The following DNAJC5B variants were observed in gnomAD, a reference collection of about 807,000 sequenced individuals.
DNAJC5B encodes DnaJ heat shock protein family (Hsp40) member C5 beta, also known as dnaJ homolog subfamily C member 5B.
DNAJC5B carries 23 observed loss-of-function variants against 24.7 expected under a neutral mutation model. The observed-to-expected ratio is 0.93, with a 90% confidence interval of 0.67 to 1.32. DNAJC5B has a LOEUF of 1.32. Among genes scored for constraint, DNAJC5B ranks in the 40% most tolerant of loss-of-function variants. The pLI is 0.00. For synonymous variants in DNAJC5B, 101 were observed against 90.1 expected (o/e 1.12, Z -0.68); for missense variants, 238 against 240.8 (o/e 0.99, Z 0.08).
intron 3 of DNAJC5B, among the ~76,000 whole-genome samples, chr8:66,054,982 C>G (rs1178899653): frequency 1.3e-5 from 2 of 152,128 alleles, no homozygotes; most frequent in Non-Finnish European, 2.9e-5. Flanking sequence ...AAGTGACATC[C>G]AACTTCCTTG....
In DNAJC5B at chr8:66,068,856, T is replaced by A. The variant is rs574503731; in HGVS notation, c.120-7804T>A. ...AACCAGAGGAAAAAATACATATTAC[T>A]TTTAAAGCACAACAATTAGACTTAC... On this transcript the variant is annotated intron_variant, in intron 3 of 5. Transcript: ENST00000276570. 5.3e-5 allele frequency among the ~76,000 whole-genome samples: 8 copies of A among 152,274 alleles called. No individual in the cohort carries two copies. The South Asian group carries it at 1.7e-3, about 32-fold the overall frequency.
intron 3 of DNAJC5B, among the ~76,000 whole-genome samples, chr8:66,067,184 C>T (rs908190157): frequency 6.8e-5 from 10 of 147,952 alleles, no homozygotes; most frequent in African/African-American, 2.5e-4. Flanking sequence ...CACCCCCCAC[C>T]CTCCCCCACT....
Position 66,076,737 on chromosome 8 carries a change from A to T in DNAJC5B, c.197A>T (p.Asn66Ile). The change falls in exon 4 of 6, where the codon AAC becomes ATC. Residue 66 changes from asparagine (N) to isoleucine (I), a missense_variant. Transcript: ENST00000276570. Reference sequence around the variant, plus strand: ...ACTGAGAAGTTTAAAGAAATCAACAACGCCCACGCAATACTTACCGACATT... The same window carrying T: ...ACTGAGAAGTTTAAAGAAATCAACATCGCCCACGCAATACTTACCGACATT... ...AATEKFKEIN[N>I]AHAILTDISK... is the part of the protein sequence containing the mutation. 6.2e-7 allele frequency: 1 copy of T among 1,614,142 alleles called. No homozygotes were observed. The highest frequency in any genetic ancestry group is 8.5e-7 in the Non-Finnish European group (1 of 1,180,024).
chr8:66,022,664 G>A (rs183463317), intron 1 of DNAJC5B, among the ~76,000 whole-genome samples: 1 of 152,214 alleles, frequency 6.6e-6, no homozygotes, highest in African/African-American at 2.4e-5. Flanking sequence ...AACACATCAC[G>A]AATAAATATA....
At chr8:66,032,285 A>C (rs1377150372) in intron 1 of DNAJC5B, among the ~76,000 whole-genome samples, 5 of 152,246 alleles carry the variant, frequency 3.3e-5, no homozygotes, top group Non-Finnish European at 5.9e-5. Context: ...GCCGCTGGCC[A>C]ACACTCAGGG....
At chr8:66,085,250 G>A (rs963663971) in intron 5 of DNAJC5B, among the ~76,000 whole-genome samples, 4 of 152,146 alleles carry the variant, frequency 2.6e-5, no homozygotes, top group African/African-American at 7.2e-5. Context: ...GACCAGCCTG[G>A]CCAACACAGT....
intron 5 of DNAJC5B, among the ~76,000 whole-genome samples, chr8:66,085,608 T>G (rs1174984516): frequency 6.6e-6 from 1 of 152,064 alleles, no homozygotes; most frequent in East Asian, 1.9e-4. Context: ...TGGCCATATT[T>G]CTATGAACCT....
At chr8:66,033,615 C>T (rs1288683548) in intron 1 of DNAJC5B, among the ~76,000 whole-genome samples, 1 of 152,090 alleles carries the variant, frequency 6.6e-6, no homozygotes, top group Non-Finnish European at 1.5e-5. Context: ...AGCTGTGAAC[C>T]AGATCACAGG....
chr8:66,040,654 T>A (rs1806588502), intron 1 of DNAJC5B, among the ~76,000 whole-genome samples: 1 of 152,060 alleles, frequency 6.6e-6, no homozygotes, highest in South Asian at 2.1e-4. Context: ...TCCAGGCAGC[T>A]CTTTAGAACC....
At chr8:66,074,605 A>C (rs1430874224) in intron 3 of DNAJC5B, among the ~76,000 whole-genome samples, 1 of 152,238 alleles carries the variant, frequency 6.6e-6, no homozygotes, top group East Asian at 1.9e-4. Flanking sequence ...TGTCACTTTA[A>C]GTATCAATGT....
intron 3 of DNAJC5B, among the ~76,000 whole-genome samples, chr8:66,053,194 C>T (rs548126592): frequency 1.3e-5 from 2 of 152,268 alleles, no homozygotes; most frequent in East Asian, 3.8e-4. Context: ...ACCTTGGCCA[C>T]CCAAAGTGCC....
At chr8:66,052,257 C>A (rs568884337) in intron 3 of DNAJC5B, among the ~76,000 whole-genome samples, 33 of 152,090 alleles carry the variant, frequency 2.2e-4, no homozygotes, top group Middle Eastern at 3.4e-3. Context: ...CGCGCCCTGC[C>A]AATCGCTGTC....
At chr8:66,072,922 A>G (rs939820555) in intron 3 of DNAJC5B, among the ~76,000 whole-genome samples, 1 of 152,210 alleles carries the variant, frequency 6.6e-6, no homozygotes, top group East Asian at 1.9e-4. Context: ...CTATAGGTGC[A>G]GAAATAACAT....
At chr8:66,047,799 A>C (rs1457129359) in intron 2 of DNAJC5B, among the ~76,000 whole-genome samples, 2 of 152,180 alleles carry the variant, frequency 1.3e-5, no homozygotes, top group African/African-American at 4.8e-5. Flanking sequence ...AGGGACATTT[A>C]AGTGAATAAT....
upstream of DNAJC5B, among the ~76,000 whole-genome samples, chr8:66,018,868 T>C (rs1806032141): frequency 6.6e-6 from 1 of 152,192 alleles, no homozygotes; most frequent in Non-Finnish European, 1.5e-5. Context: ...TCCTCCTCCA[T>C]AACTAAGCAA....
At chr8:66,041,628 C>CT (rs1317428371) in intron 1 of DNAJC5B, among the ~76,000 whole-genome samples, 3 of 152,120 alleles carry the variant, frequency 2.0e-5, no homozygotes, top group Non-Finnish European at 1.5e-5. Context: ...ATACTAAGTT[C>CT]TTTTTTTCAA....
At chr8:66,029,926 T>C (rs1334590527) in intron 1 of DNAJC5B, among the ~76,000 whole-genome samples, 1 of 152,190 alleles carries the variant, frequency 6.6e-6, no homozygotes, top group Non-Finnish European at 1.5e-5. Flanking sequence ...ACACTTCCAG[T>C]TGATATGGGG....
chr8:66,074,045 G>C (rs962581205), intron 3 of DNAJC5B, among the ~76,000 whole-genome samples: 1 of 152,140 alleles, frequency 6.6e-6, no homozygotes, highest in Non-Finnish European at 1.5e-5. Context: ...AACTGACAAA[G>C]AATTCATATC....
chr8:66,018,728 T>A (rs892936957), upstream of DNAJC5B, among the ~76,000 whole-genome samples: 3 of 118,234 alleles, frequency 2.5e-5, no homozygotes, highest in Non-Finnish European at 4.8e-5. Context: ...GGAAGCTGTG[T>A]GGGAATCTGT....
Sources: allele counts gnomAD v4.1 joint callset (sites outside exome capture counted in the v4.1 genomes callset), GRCh38; gene constraint gnomAD v4.1.1; transcripts MANE v1.5; gene names NCBI Gene and HGNC (gene_info 2026-07-23, HGNC 2026-07-21).